WAC: variants seen among roughly 807,000 people sequenced by gnomAD.
WAC encodes WW domain containing adaptor with coiled-coil, also known as WW domain-containing adapter protein with coiled-coil.
WAC carries 11 observed loss-of-function variants against 79.6 expected under a neutral mutation model. The observed-to-expected ratio is 0.14, with a 90% CI of 0.09 to 0.23. The LOEUF (loss-of-function observed/expected upper bound fraction) is 0.23, where lower values mean the gene tolerates loss of function less well. Among genes scored for constraint, WAC ranks in the 10% least tolerant of loss-of-function variants. The pLI is 1.00. For missense variants in WAC, 728 were observed against 773.5 expected (o/e 0.94, Z 0.70); for synonymous variants, 304 against 276.9 (o/e 1.10, Z -0.97).
intron 3 of WAC, among the ~76,000 whole-genome samples, chr10:28,563,874 A>C (rs332130): frequency 0.6 from 90,560 of 150,992 alleles, 28,075 homozygotes; most frequent in African/African-American, 0.75. Context: ...GCTGGAATTA[A>C]AAGCGTGAGC....
chr10:28,597,524 G>T (rs780571484), intron 7 of WAC, among the ~76,000 whole-genome samples: 1 of 151,978 alleles, frequency 6.6e-6, no homozygotes, highest in Non-Finnish European at 1.5e-5. Flanking sequence ...GCCTATTTCT[G>T]TTCCTTCCTG....
rs141669297 is a variant in WAC, at chr10:28,573,866, C to G, written c.275-9533C>G. Among the ~76,000 whole-genome samples, 115 of 151,706 alleles carry G rather than the reference C, an allele frequency of 7.6e-4. 1 individual carries two copies. In the East Asian group the frequency reaches 0.022, roughly 29 times the overall value. On this transcript the variant is annotated intron_variant, in intron 3 of 13. Coordinates refer to ENST00000354911, the MANE Select transcript of WAC (RefSeq NM_016628.5). The stretch of plus-strand genomic sequence containing the variant: ...CCCTTTAACTGTCATCCCCCAACAC[C>G]CCCCTCACCCTCAGCTCTAAGAAAC...
At chr10:28,609,087 C>G (rs904553184) in intron 8 of WAC, among the ~76,000 whole-genome samples, 5 of 152,190 alleles carry the variant, frequency 3.3e-5, no homozygotes, top group African/African-American at 9.7e-5. Context: ...TTCCTAAAAG[C>G]ACTGCAAAAT....
chr10:28,538,866 TAAAAAAAAA>T (rs5784069), intron 3 of WAC, among the ~76,000 whole-genome samples: 6 of 126,896 alleles, frequency 4.7e-5, no homozygotes, highest in East Asian at 2.3e-4. Flanking sequence ...CCCGTCTGTT[TAAAAAAAAA>T]AAAAAAAAAG....
chr10:28,592,602 C>T (rs1029088117), intron 6 of WAC, among the ~76,000 whole-genome samples: 3 of 151,842 alleles, frequency 2.0e-5, no homozygotes, highest in Non-Finnish European at 2.9e-5. Context: ...GCCTGGGTGA[C>T]AGAGCAAGAC....
At chr10:28,606,654 A>G (rs1840968195) in intron 7 of WAC, among the ~76,000 whole-genome samples, 2 of 152,184 alleles carry the variant, frequency 1.3e-5, no homozygotes, top group Admixed American at 1.3e-4. Context: ...TAAGCTTGCT[A>G]GTACTGTATA....
chr10:28,571,867 T>A (rs1838990980), intron 3 of WAC, among the ~76,000 whole-genome samples: 1 of 152,258 alleles, frequency 6.6e-6, no homozygotes. Context: ...CTCAGTTTTT[T>A]AGCTATATTA....
chr10:28,535,804 G>C (rs769338361), intron 3 of WAC, 47 bp downstream of exon 3: 1 of 1,494,672 alleles, frequency 6.7e-7, no homozygotes. Context: ...TTTAACAATA[G>C]CTCTATATAA....
chr10:28,620,370 GT>G lies in WAC; in HGVS notation c.*766del, dbSNP rs9335815. On this transcript the variant is annotated 3_prime_UTR_variant, in exon 14 of 14. Coordinates refer to ENST00000354911, the MANE Select transcript of WAC (RefSeq NM_016628.5). ...AATTATTGAAATCCATTTGCACCCT[GT>G]TAAGAATGGACTTAAAAGTACTGCT... is the stretch of plus-strand genomic sequence containing the variant. 0.84 allele frequency: 127,590 copies of G among 152,580 alleles called. 53,465 individuals carry two copies. Among genetic ancestry groups the G allele is most frequent in the East Asian group, 0.94 (4,866 of 5,180 alleles). 9.5% of individuals were successfully genotyped at this position (152,580 alleles called of 1,614,324 possible). A position where few individuals can be genotyped will look rare whatever the true frequency, so the allele number is the denominator to read the frequency against.
At chr10:28,613,931 A>G (rs1053486433) in intron 10 of WAC, among the ~76,000 whole-genome samples, 4 of 152,222 alleles carry the variant, frequency 2.6e-5, no homozygotes, top group Admixed American at 2.6e-4. Context: ...TATATGGGCC[A>G]TAACTCATTT....
chr10:28,617,881 A>G (rs1356804217), intron 13 of WAC, 97 bp downstream of exon 13: 1 of 1,368,406 alleles, frequency 7.3e-7, no homozygotes, highest in African/African-American at 1.5e-5. Flanking sequence ...ATGAAATGTA[A>G]AGTTCTCTTC....
At chr10:28,594,576 G>A (rs904723118) in intron 6 of WAC, among the ~76,000 whole-genome samples, 1 of 152,098 alleles carries the variant, frequency 6.6e-6, no homozygotes, top group Non-Finnish European at 1.5e-5. Context: ...TTTTTGGGTG[G>A]TATTCCGGTA....
chr10:28,577,637 A>G (rs1350211990), intron 3 of WAC, among the ~76,000 whole-genome samples: 1 of 152,220 alleles, frequency 6.6e-6, no homozygotes, highest in African/African-American at 2.4e-5. Flanking sequence ...GTAGTACAGC[A>G]TTCAGAGTAA....
At chr10:28,586,350 G>A (rs1187811951) in intron 4 of WAC, among the ~76,000 whole-genome samples, 1 of 152,072 alleles carries the variant, frequency 6.6e-6, no homozygotes, top group African/African-American at 2.4e-5. Flanking sequence ...GTAAAGATTA[G>A]GAAAAGCTTG....
intron 3 of WAC, among the ~76,000 whole-genome samples, chr10:28,562,193 A>C (rs1838335890): frequency 6.6e-6 from 1 of 152,046 alleles, no homozygotes; most frequent in African/African-American, 2.4e-5. Context: ...AGTAGCTGGG[A>C]TTGTAGGTGT....
intron 10 of WAC, 104 bp downstream of exon 10, chr10:28,612,026 T>TA: frequency 7.2e-7 from 1 of 1,387,388 alleles, no homozygotes; most frequent in Non-Finnish European, 9.8e-7. Flanking sequence ...GAATGAGGTG[T>TA]AGTGGTGGAA....
chr10:28,553,964 GT>G (rs1837844658), intron 3 of WAC, among the ~76,000 whole-genome samples: 2 of 152,076 alleles, frequency 1.3e-5, no homozygotes, highest in South Asian at 4.1e-4. Context: ...CACCTCCCAG[GT>G]TCAGGTGATT....
chr10:28,556,895 C>T (rs1044036527), intron 3 of WAC, among the ~76,000 whole-genome samples: 5 of 152,058 alleles, frequency 3.3e-5, no homozygotes, highest in African/African-American at 1.2e-4. Context: ...TTTGGGTGTT[C>T]TGTTGCATTG....
At chr10:28,543,248 G>A (rs1379911575) in intron 3 of WAC, among the ~76,000 whole-genome samples, 1 of 152,132 alleles carries the variant, frequency 6.6e-6, no homozygotes, top group Non-Finnish European at 1.5e-5. Flanking sequence ...AAATATGTTG[G>A]CCACAAATGC....
Sources: allele counts gnomAD v4.1 joint callset (sites outside exome capture counted in the v4.1 genomes callset), GRCh38; gene constraint gnomAD v4.1.1; transcripts MANE v1.5; gene names NCBI Gene and HGNC (gene_info 2026-07-23, HGNC 2026-07-21).